LRRC7: variants seen among roughly 807,000 people sequenced by gnomAD.
LRRC7 encodes the protein leucine rich repeat containing 7, also known as leucine-rich repeat-containing protein 7.
Under a neutral mutation model 175.7 loss-of-function variants are expected in LRRC7, and 23 were observed. The ratio of observed to expected loss-of-function variants is 0.13; its 90% CI spans 0.09 to 0.19. The LOEUF is 0.19. Ranked by LOEUF, LRRC7 falls within the 10% of genes least tolerant of loss-of-function variation. The pLI is 1.00. For missense variants in LRRC7, 1,354 were observed against 1,904.7 expected (o/e 0.71, Z 5.38); for synonymous variants, 685 against 680.9 (o/e 1.01, Z -0.09).
At chr1:70,080,906 C>G (rs1372538331) in intron 24 of LRRC7, among the ~76,000 whole-genome samples, 1 of 152,164 alleles carries the variant, frequency 6.6e-6, no homozygotes, top group Non-Finnish European at 1.5e-5. Flanking sequence ...AATATTCATC[C>G]TATTAGATCT....
intron 11 of LRRC7, among the ~76,000 whole-genome samples, chr1:70,000,320 A>G (rs1655407143): frequency 6.6e-6 from 1 of 152,166 alleles, no homozygotes; most frequent in South Asian, 2.1e-4. Context: ...AATAGATGCC[A>G]TTGTGTTACA....
intron 14 of LRRC7, among the ~76,000 whole-genome samples, chr1:70,016,983 C>T (rs932721449): frequency 3.9e-5 from 6 of 152,070 alleles, no homozygotes; most frequent in African/African-American, 1.4e-4. Context: ...TCATTAATGA[C>T]ATTTGAAATA....
intron 11 of LRRC7, among the ~76,000 whole-genome samples, chr1:70,009,785 C>T (rs1656333112): frequency 6.6e-6 from 1 of 152,214 alleles, no homozygotes; most frequent in Non-Finnish European, 1.5e-5. Flanking sequence ...CACCACAACT[C>T]ATTCTAATCA....
Position 70,023,145 on chromosome 1 carries a change from C to T in LRRC7, c.1565C>T (p.Pro522Leu), listed in dbSNP as rs752772068. The T allele has an allele frequency of 1.4e-6, 2 of 1,443,614 alleles. No homozygotes were observed. The highest frequency in any genetic ancestry group is 4.2e-5 in the Admixed American group (2 of 48,118). 89.4% of individuals were successfully genotyped at this position (1,443,614 alleles called of 1,614,324 possible). A position where few individuals can be genotyped will look rare whatever the true frequency, so the allele number is the denominator to read the frequency against. Reference protein sequence around the residue: ...GKVKDLSCQAPWERGQRGITL... With the variant: ...GKVKDLSCQALWERGQRGITL... ...CCACAGGATCTCTCCTGCCAAGCCC[C>T]CTGGGAAAGGGGCCAGCGTGGGATT... Residue 522 changes from proline (P) to leucine (L), a missense_variant, in exon 17 of 27, where the codon CCC becomes CTC. Pro to Leu is a moderately conservative substitution (Grantham distance 98). Around this residue, in one of 4 missense-constraint regions of LRRC7, gnomAD observed 1,032 missense variants for 1,227.2 expected, o/e 0.84. Transcript: ENST00000651989.
chr1:69,934,390 T>TA (rs980536878), intron 8 of LRRC7, among the ~76,000 whole-genome samples: 2 of 150,828 alleles, frequency 1.3e-5, no homozygotes, highest in African/African-American at 4.9e-5. Flanking sequence ...GAAGCATTTG[T>TA]AATAATGAAA....
chr1:69,825,526 A>G (rs546026479), intron 4 of LRRC7, among the ~76,000 whole-genome samples: 25 of 152,128 alleles, frequency 1.6e-4, no homozygotes, highest in African/African-American at 6.0e-4. Flanking sequence ...AACTTTTATT[A>G]TAAAATATTA....
chr1:69,712,372 GT>G (rs1664861152), intron 2 of LRRC7, among the ~76,000 whole-genome samples: 1 of 152,204 alleles, frequency 6.6e-6, no homozygotes, highest in South Asian at 2.1e-4. Context: ...GGGAGGCCGA[GT>G]CAGGCAGATC....
intron 1 of LRRC7, among the ~76,000 whole-genome samples, chr1:69,598,577 G>A (rs565378131): frequency 6.6e-6 from 1 of 152,100 alleles, no homozygotes; most frequent in Non-Finnish European, 1.5e-5. Context: ...AATCAGATGA[G>A]GCCCACCCAC....
chr1:70,033,380 T>C (rs17131138), intron 18 of LRRC7, among the ~76,000 whole-genome samples: 13,773 of 152,224 alleles, frequency 0.09, 690 homozygotes, highest in Middle Eastern at 0.14. Context: ...GTGTTTAGCA[T>C]AGTAGCACCG....
At position 70,023,284 on chromosome 1, in the gene LRRC7, T is replaced by C. The variant is rs1657709852; in HGVS notation, c.1704T>C (p.Cys568=). ...PQNDPQLAWG[C]ISGLQQERSM... ...ATGACCCACAGCTGGCATGGGGTTG[T>C]ATAAGTGGCCTCCAGCAGGAAAGGA... Residue 568 remains cysteine (C), a synonymous_variant, in exon 17 of 27, where the codon TGT becomes TGC. Coordinates refer to ENST00000651989, the MANE Select transcript of LRRC7 (RefSeq NM_001370785.2). The C allele has an allele frequency of 1.9e-6, 3 of 1,613,388 alleles. No individual in the cohort carries two copies. The highest frequency in any genetic ancestry group is 1.3e-5 in the African/African-American group (1 of 74,906).
chr1:70,038,466 A>G lies in LRRC7; in HGVS notation c.2642A>G (p.Gln881Arg), dbSNP rs1239630066. The change falls in exon 21 of 27, where the codon CAG (glutamine) becomes CGG (arginine). Residue 881 changes from glutamine to arginine, a missense_variant. By Grantham distance (43) the Gln-to-Arg change is conservative. This residue lies in a region of LRRC7 where 1,032 missense variants were observed against 1,227.2 expected (regional missense o/e 0.84). Transcript: ENST00000651989. ...ETEVPPSNPW[Q>R]NWTRTPSPFE... Reference sequence around the variant, plus strand: ...GAAGTGCCTCCTTCCAATCCTTGGCAGAATTGGACCAGAACCCCTAGTCCG... The same window carrying G: ...GAAGTGCCTCCTTCCAATCCTTGGCGGAATTGGACCAGAACCCCTAGTCCG... The G allele has an allele frequency of 3.7e-6, 6 of 1,614,150 alleles. No homozygotes were observed. The East Asian group carries it at 1.3e-4, about 36-fold the overall frequency.
chr1:69,649,115 T>A (rs1370615818), intron 1 of LRRC7, among the ~76,000 whole-genome samples: 3 of 152,236 alleles, frequency 2.0e-5, no homozygotes, highest in Admixed American at 2.0e-4. Flanking sequence ...ATACAGATAT[T>A]GTTAGATTCT....
chr1:69,953,308 T>C (rs1650143165), intron 8 of LRRC7, among the ~76,000 whole-genome samples: 1 of 152,116 alleles, frequency 6.6e-6, no homozygotes, highest in Admixed American at 6.6e-5. Context: ...TTGTAAATCT[T>C]ATCTTTTCCT....
intron 2 of LRRC7, among the ~76,000 whole-genome samples, chr1:69,735,814 C>G (rs1668051887): frequency 6.6e-6 from 1 of 151,756 alleles, no homozygotes; most frequent in Non-Finnish European, 1.5e-5. Flanking sequence ...ACTCCCTTCC[C>G]CTCCCTATCT....
intron 14 of LRRC7, among the ~76,000 whole-genome samples, chr1:70,017,389 A>G (rs1657059922): frequency 6.6e-6 from 1 of 152,170 alleles, no homozygotes. Flanking sequence ...GTAATATTGC[A>G]TTAGTAAATA....
chr1:69,663,208 G>C (rs1052067750), intron 1 of LRRC7, among the ~76,000 whole-genome samples: 1 of 151,922 alleles, frequency 6.6e-6, no homozygotes, highest in African/African-American at 2.4e-5. Flanking sequence ...GAGACCTACA[G>C]AAATGTGAGT....
intron 8 of LRRC7, among the ~76,000 whole-genome samples, chr1:69,963,901 C>T (rs1651389376): frequency 6.6e-6 from 1 of 152,150 alleles, no homozygotes; most frequent in Non-Finnish European, 1.5e-5. Flanking sequence ...CTCCACTACT[C>T]AGTACATGAT....
At chr1:70,068,693 G>A (rs1662156958) in intron 23 of LRRC7, among the ~76,000 whole-genome samples, 1 of 151,904 alleles carries the variant, frequency 6.6e-6, no homozygotes, top group Admixed American at 6.6e-5. Context: ...TTTTCTGAAA[G>A]CGATTGTGTA....
rs1666288641 is a variant in LRRC7 at position 70,123,003 on chromosome 1, A to G, written c.*1116A>G. 6.6e-6 allele frequency: 1 copy of G among 152,520 alleles called. No individual in the cohort carries two copies. The highest frequency in any genetic ancestry group is 2.4e-5 in the African/African-American group (1 of 41,444). The allele number at this position is 152,520 out of a possible 1,614,324, so 9.4% of individuals were successfully genotyped here. A position where few individuals can be genotyped will look rare whatever the true frequency, so the allele number is the denominator to read the frequency against. ...TGGTCTACCTGTATCATTAATTTCA[A>G]TGGCTGTTTTTCTGGGCAGAAATAG... On this transcript the variant is annotated 3_prime_UTR_variant, in exon 27 of 27. Coordinates refer to ENST00000651989, the MANE Select transcript of LRRC7 (RefSeq NM_001370785.2).
Sources: allele counts gnomAD v4.1 joint callset (sites outside exome capture counted in the v4.1 genomes callset), GRCh38; gene constraint gnomAD v4.1.1; regional missense constraint gnomAD v4.1.1; transcripts MANE v1.5; gene names NCBI Gene and HGNC (gene_info 2026-07-23, HGNC 2026-07-21).